The following TMEM132C variants were observed in gnomAD, a reference collection of about 807,000 sequenced individuals.
TMEM132C encodes transmembrane protein 132C.
Under a neutral mutation model 61.4 loss-of-function variants are expected in TMEM132C, and 29 were observed. The observed-to-expected ratio is 0.47, with a 90% CI of 0.35 to 0.64. The LOEUF (loss-of-function observed/expected upper bound fraction) is 0.64, where lower values mean the gene tolerates loss of function less well. TMEM132C is among the 30% of genes least tolerant of loss of function. The pLI is 0.00. For missense variants in TMEM132C, 1,408 were observed against 1,476.9 expected, an observed-to-expected ratio of 0.95 and a Z score of 0.76; for synonymous variants, 656 against 633.1, an observed-to-expected ratio of 1.04 and a Z score of -0.54.
chr12:128,399,788 T>TA lies in TMEM132C; in HGVS notation c.86-14943dup, dbSNP rs368185555. On this transcript the variant is annotated intron_variant, in intron 1 of 8. Transcript: ENST00000435159. ...CCTGAAAACTAAGACTTTTTTTTTT[T>TA]ATGTTTGTATGTCTTTAGATAGTTG... Among the ~76,000 whole-genome samples the TA allele has an allele frequency of 3.5e-3, 530 of 152,202 alleles. 4 individuals carry two copies. The highest frequency in any genetic ancestry group is 0.012 in the African/African-American group (496 of 41,532).
intron 3 of TMEM132C, among the ~76,000 whole-genome samples, chr12:128,593,780 A>G (rs1461526449): frequency 6.6e-6 from 1 of 152,002 alleles, no homozygotes; most frequent in Non-Finnish European, 1.5e-5. Flanking sequence ...TGAAGATGAG[A>G]GACATAGTAC....
intron 3 of TMEM132C, among the ~76,000 whole-genome samples, chr12:128,587,873 T>G (rs10744380): frequency 0.57 from 86,699 of 152,054 alleles, 25,991 homozygotes; most frequent in East Asian, 0.82. Context: ...AGAACAATAG[T>G]TACCTCGAAT....
chr12:128,447,850 C>T (rs1251661066), intron 2 of TMEM132C, among the ~76,000 whole-genome samples: 15 of 134,984 alleles, frequency 1.1e-4, no homozygotes, highest in African/African-American at 4.7e-4. Context: ...CCTCAGCCTC[C>T]AGAGTAGCTG....
chr12:128,496,054 C>T (rs1465681096), intron 2 of TMEM132C, among the ~76,000 whole-genome samples: 3 of 151,868 alleles, frequency 2.0e-5, no homozygotes, highest in Admixed American at 6.6e-5. Flanking sequence ...TCAGCATTTG[C>T]TTGTCTGTAA....
chr12:128,536,042 T>G (rs985869581), intron 2 of TMEM132C, among the ~76,000 whole-genome samples: 10 of 152,130 alleles, frequency 6.6e-5, no homozygotes, highest in Non-Finnish European at 1.5e-4. Flanking sequence ...CACTACTGGG[T>G]GTATACCCAA....
intron 4 of TMEM132C, among the ~76,000 whole-genome samples, chr12:128,656,064 T>G (rs943130207): frequency 1.3e-5 from 2 of 152,194 alleles, no homozygotes; most frequent in Admixed American, 6.5e-5. Context: ...GTTTGTTTGT[T>G]TTTTGAGAAG....
chr12:128,333,993 T>C (rs1467441048), intron 1 of TMEM132C, among the ~76,000 whole-genome samples: 1 of 151,906 alleles, frequency 6.6e-6, no homozygotes, highest in Non-Finnish European at 1.5e-5. Flanking sequence ...GGTGTGTGTG[T>C]GCATGCATGT....
At chr12:128,318,565 G>A (rs1319665932) in intron 1 of TMEM132C, among the ~76,000 whole-genome samples, 2 of 152,200 alleles carry the variant, frequency 1.3e-5, no homozygotes, top group East Asian at 3.9e-4. Flanking sequence ...TTACAGCTTT[G>A]TATTGAATTA....
chr12:128,687,417 C>T (rs1414383871), intron 5 of TMEM132C, among the ~76,000 whole-genome samples: 3 of 152,174 alleles, frequency 2.0e-5, no homozygotes, highest in Non-Finnish European at 4.4e-5. Context: ...TCCCATTTAT[C>T]ACAATCAAGA....
At chr12:128,424,166 G>A (rs761906821) in intron 2 of TMEM132C, among the ~76,000 whole-genome samples, 19 of 152,130 alleles carry the variant, frequency 1.2e-4, no homozygotes, top group Non-Finnish European at 2.1e-4. Context: ...GGTGAGAGGT[G>A]GGATTCATGG....
intron 5 of TMEM132C, among the ~76,000 whole-genome samples, chr12:128,690,806 T>G (rs987912843): frequency 4.6e-5 from 7 of 152,068 alleles, no homozygotes; most frequent in African/African-American, 1.7e-4. Flanking sequence ...TCCCTGCCAC[T>G]GTCCCCAACT....
intron 2 of TMEM132C, among the ~76,000 whole-genome samples, chr12:128,514,224 T>G (rs971168173): frequency 2.6e-5 from 4 of 152,254 alleles, no homozygotes; most frequent in African/African-American, 7.2e-5. Flanking sequence ...TGTAAGTGGA[T>G]AGTTCAAAAG....
At chr12:128,434,574 C>G (rs1481984917) in intron 2 of TMEM132C, among the ~76,000 whole-genome samples, 1 of 151,854 alleles carries the variant, frequency 6.6e-6, no homozygotes, top group Non-Finnish European at 1.5e-5. Flanking sequence ...AGGTGTGAGC[C>G]ACCGCACCTG....
chr12:128,540,649 T>G (rs11059756), intron 2 of TMEM132C, among the ~76,000 whole-genome samples: 20,114 of 152,196 alleles, frequency 0.13, 1,547 homozygotes, highest in Middle Eastern at 0.17. Context: ...TGTTTCAGTC[T>G]TTCTGCGTGG....
At chr12:128,628,536 A>T (rs1266640025) in intron 4 of TMEM132C, among the ~76,000 whole-genome samples, 4 of 152,224 alleles carry the variant, frequency 2.6e-5, no homozygotes, top group Non-Finnish European at 5.9e-5. Context: ...TTTCTTGCGT[A>T]ACATGACCAA....
intron 2 of TMEM132C, among the ~76,000 whole-genome samples, chr12:128,442,205 C>T (rs1166585837): frequency 6.6e-6 from 1 of 152,148 alleles, no homozygotes; most frequent in Non-Finnish European, 1.5e-5. Flanking sequence ...CACTTGCTCC[C>T]TCCCCTCCAG....
intron 1 of TMEM132C, among the ~76,000 whole-genome samples, chr12:128,374,232 G>A (rs181946701): frequency 6.6e-6 from 1 of 152,304 alleles, no homozygotes; most frequent in East Asian, 1.9e-4. Context: ...AAAACAACGG[G>A]ACTGAAACTA....
intron 2 of TMEM132C, among the ~76,000 whole-genome samples, chr12:128,502,757 G>A (rs936763767): frequency 6.6e-6 from 1 of 152,164 alleles, no homozygotes; most frequent in African/African-American, 2.4e-5. Context: ...CCCTTTTCAG[G>A]ACACTCCCTC....
intron 3 of TMEM132C, among the ~76,000 whole-genome samples, chr12:128,578,705 C>A (rs1875217549): frequency 6.6e-6 from 1 of 152,132 alleles, no homozygotes; most frequent in Non-Finnish European, 1.5e-5. Context: ...TCAAGCGATT[C>A]TCTTGCCTCG....
Sources: allele counts gnomAD v4.1 joint callset (sites outside exome capture counted in the v4.1 genomes callset), GRCh38; gene constraint gnomAD v4.1.1; transcripts MANE v1.5; gene names NCBI Gene and HGNC (gene_info 2026-07-23, HGNC 2026-07-21).